The following LAMB4 variants were observed in gnomAD, a reference collection of about 807,000 sequenced individuals.
The protein encoded by LAMB4 is laminin subunit beta-4.
In LAMB4, 196 loss-of-function variants were observed where a neutral mutation model predicts 199.2. The observed-to-expected ratio is 0.98, with a 90% CI of 0.88 to 1.11. The LOEUF is 1.11. Among genes scored for constraint, LAMB4 ranks in the 50% least tolerant of loss-of-function variants. LAMB4 has a pLI of 0.00. For missense variants in LAMB4, 2,080 were observed against 2,171.2 expected, an observed-to-expected ratio of 0.96 and a Z score of 0.83; for synonymous variants, 744 against 770.6, an observed-to-expected ratio of 0.97 and a Z score of 0.57.
rs138874420 is a variant in LAMB4, at chr7:108,037,213, G to A, written c.4679+175C>T. Among the ~76,000 whole-genome samples the A allele has an allele frequency of 9.3e-4, 142 of 152,232 alleles. 1 individual carries two copies. Among genetic ancestry groups the A allele is most frequent in the Middle Eastern group, 3.4e-3 (1 of 294 alleles). On this transcript the variant is annotated intron_variant, in intron 30 of 33. Transcript: ENST00000388781. ...GAAAACAACCCTGAACCCTGTCACC[G>A]AGTCACTCAGCTTCCCGGGGAATCT...
At chr7:108,014,543 T>A in the LAMB4 span, among the ~76,000 whole-genome samples, 2 of 152,106 alleles carry the variant, frequency 1.3e-5, no homozygotes, top group African/African-American at 4.8e-5. Flanking sequence ...CTCCCCAAAG[T>A]GGGTTAAAAG....
Position 108,052,089 on chromosome 7 carries a change from T to A in LAMB4, c.3916+8A>T. 6.3e-7 allele frequency: 1 copy of A among 1,596,992 alleles called. No homozygotes were observed. The highest frequency in any genetic ancestry group is 1.1e-5 in the South Asian group (1 of 87,898). Reference sequence around the variant, plus strand: ...GCAGACACAGTCAAAAATACATTTTTCCCTTACCCGCAATGCTTGCATTAA... The same window carrying A: ...GCAGACACAGTCAAAAATACATTTTACCCTTACCCGCAATGCTTGCATTAA... On this transcript the variant is annotated splice_region_variant and intron_variant, in intron 26 of 33. Transcript: ENST00000388781.
At position 108,037,483 on chromosome 7, in the gene LAMB4, A is replaced by G; in HGVS notation, c.4584T>C (p.His1528=). The change falls in exon 30 of 34, where the codon CAT becomes CAC. Residue 1528 remains histidine, a synonymous_variant. Transcript: ENST00000388781. ...LTDELVKIQK[H]MQLCEDYRTD... is the part of the protein sequence containing the mutation. Reference sequence around the variant, plus strand: ...TCCTGTAATCCTCACAGAGTTGCATATGTTTCTGTATTTTGACAAGTTCAT... The same window carrying G: ...TCCTGTAATCCTCACAGAGTTGCATGTGTTTCTGTATTTTGACAAGTTCAT... The G allele has an allele frequency of 3.7e-6, 6 of 1,613,926 alleles. No homozygotes were observed. Among genetic ancestry groups the G allele is most frequent in the Non-Finnish European group, 5.1e-6 (6 of 1,179,888 alleles).
At chr7:108,022,443 G>A (rs954049301), downstream of LAMB4, among the ~76,000 whole-genome samples, 1 of 152,130 alleles carries the variant, frequency 6.6e-6, no homozygotes, top group African/African-American at 2.4e-5. Context: ...CTGTCAAATT[G>A]TTAATACTTT....
intron 33 of LAMB4, among the ~76,000 whole-genome samples, chr7:108,024,804 C>A (rs933210692): frequency 6.6e-6 from 1 of 152,044 alleles, no homozygotes. Flanking sequence ...CTTCATTCAA[C>A]AAATATCTGG....
intron 2 of LAMB4, among the ~76,000 whole-genome samples, chr7:108,122,480 G>T (rs2038635570): frequency 6.6e-6 from 1 of 152,160 alleles, no homozygotes; most frequent in East Asian, 1.9e-4. Context: ...TTACCTCAGG[G>T]TTGGAAAATT....
chr7:108,043,545 G>GTTTTTTGTTT (rs2035497909), intron 29 of LAMB4, among the ~76,000 whole-genome samples: 2 of 56,002 alleles, frequency 3.6e-5, no homozygotes, highest in Non-Finnish European at 5.8e-5. Flanking sequence ...TGGCTATGAT[G>GTTTTTTGTTT]TTTTTTTTTT....
At chr7:108,013,833 A>C in the LAMB4 span, among the ~76,000 whole-genome samples, 1 of 152,188 alleles carries the variant, frequency 6.6e-6, no homozygotes, top group South Asian at 2.1e-4. Context: ...AGATAAAATT[A>C]CTATGCTGGA....
At chr7:108,073,098 A>G (rs7802055) in intron 17 of LAMB4, among the ~76,000 whole-genome samples, 35,709 of 152,160 alleles carry the variant, frequency 0.23, 8,728 homozygotes, top group African/African-American at 0.62. Flanking sequence ...CTCTGCCTCC[A>G]GGTTCAAGTG....
intron 29 of LAMB4, among the ~76,000 whole-genome samples, chr7:108,039,894 A>C (rs1384478795): frequency 6.6e-6 from 1 of 152,218 alleles, no homozygotes; most frequent in African/African-American, 2.4e-5. Context: ...TGTTCAACAT[A>C]GTATTGGAAG....
intron 17 of LAMB4, among the ~76,000 whole-genome samples, chr7:108,071,293 T>C (rs2036526683): frequency 1.3e-5 from 2 of 152,134 alleles, no homozygotes; most frequent in Admixed American, 6.5e-5. Flanking sequence ...AATGCAATAC[T>C]TCTCCCCTAT....
intron 23 of LAMB4, among the ~76,000 whole-genome samples, chr7:108,058,298 C>T (rs1274816327): frequency 6.6e-6 from 1 of 152,254 alleles, no homozygotes; most frequent in Admixed American, 6.5e-5. Flanking sequence ...GTCTAACATT[C>T]ATCAGTTAAT....
chr7:108,056,738 G>A (rs956826535), intron 24 of LAMB4, among the ~76,000 whole-genome samples: 2 of 152,182 alleles, frequency 1.3e-5, no homozygotes, highest in Non-Finnish European at 2.9e-5. Flanking sequence ...GGGAGGCTAA[G>A]GCAGGTGGAT....
chr7:108,024,268 G>A (rs570727183), intron 33 of LAMB4, 90 bp from the exon 34 acceptor site: 31 of 614,386 alleles, frequency 5.0e-5, no homozygotes, highest in Admixed American at 4.0e-4. Flanking sequence ...GGATTTATGC[G>A]CCTCTCAAAG....
At chr7:108,086,771 G>A (rs969307437) in intron 14 of LAMB4, among the ~76,000 whole-genome samples, 2 of 152,186 alleles carry the variant, frequency 1.3e-5, no homozygotes, top group African/African-American at 4.8e-5. Flanking sequence ...TCAGAGTGCT[G>A]TCATGAACCA....
At chr7:108,057,713 T>C in intron 24 of LAMB4, 119 bp downstream of exon 24, 1 of 637,856 alleles carries the variant, frequency 1.6e-6, no homozygotes, top group Non-Finnish European at 2.8e-6. Flanking sequence ...GTGAGTTTTC[T>C]AAGTCCACCT....
downstream of LAMB4, among the ~76,000 whole-genome samples, chr7:108,022,805 T>C (rs2034719129): frequency 6.6e-6 from 1 of 152,214 alleles, no homozygotes; most frequent in East Asian, 1.9e-4. Flanking sequence ...TTTTTAAATC[T>C]TTTTTGTTTG....
rs1374091056 is a variant in LAMB4 at position 108,106,546 on chromosome 7, A to T, written c.618T>A (p.Ser206Arg). 1.3e-6 allele frequency: 2 copies of T among 1,580,478 alleles called. No homozygotes were observed. The highest frequency in any genetic ancestry group is 1.7e-6 in the Non-Finnish European group (2 of 1,150,988). Residue 206 changes from serine to arginine, a missense_variant, in exon 7 of 34, where the codon AGT (serine) becomes AGA (arginine). Ser to Arg is a moderately radical substitution (Grantham distance 110). Transcript: ENST00000388781. ...GEVVLKVLDP[S>R]FEIENPYSPY... ...GGCTATAAGGGTTTTCAATTTCAAAACTGGGATCCAAAACTTTTAAAACAA... is the reference window on the plus strand; with the variant it reads ...GGCTATAAGGGTTTTCAATTTCAAATCTGGGATCCAAAACTTTTAAAACAA...
In LAMB4 at chr7:108,068,053, T is replaced by G. The variant is rs1349742616; in HGVS notation, c.2409A>C (p.Ser803=). The G allele has an allele frequency of 1.2e-6, 2 of 1,614,174 alleles. No homozygotes were observed. Among genetic ancestry groups the G allele is most frequent in the East Asian group, 4.5e-5 (2 of 44,884 alleles). Residue 803 remains serine, a synonymous_variant, in exon 19 of 34, where the codon TCA becomes TCC. Transcript: ENST00000388781. ...LVVGRCCDRC[S]TGSYDLGHHG... is the part of the protein sequence containing the mutation. ...GATGCCCCAAATCATAGCTTCCAGT[T>G]GAGCACCTGTCACAGCAGCGCCCGA...
Sources: allele counts gnomAD v4.1 joint callset (sites outside exome capture counted in the v4.1 genomes callset), GRCh38; gene constraint gnomAD v4.1.1; transcripts MANE v1.5; gene names NCBI Gene and HGNC (gene_info 2026-07-23, HGNC 2026-07-21).